The following TENM1 variants were observed in gnomAD, a reference collection of about 807,000 sequenced individuals.
TENM1 encodes teneurin transmembrane protein 1, also known as teneurin-1.
Under a neutral mutation model 174.8 loss-of-function variants are expected in TENM1, and 35 were observed. The observed-to-expected ratio is 0.20, with a 90% CI of 0.15 to 0.27. TENM1 has a LOEUF of 0.27. Among genes scored for constraint, TENM1 ranks in the 10% least tolerant of loss-of-function variants. The pLI is 1.00. For synonymous variants in TENM1, 781 were observed against 798.7 expected, an observed-to-expected ratio of 0.98 and a Z score of 0.37; for missense variants, 1,633 against 2,130.1, an observed-to-expected ratio of 0.77 and a Z score of 4.59.
At chrX:125,039,178 A>T in the TENM1 span, among the ~76,000 whole-genome samples, 3 of 111,744 alleles carry the variant, frequency 2.7e-5, no homozygotes, top group African/African-American at 9.7e-5. Context: ...TTGACTGTAC[A>T]CCTTTAGCTG....
chrX:124,930,789 G>A (rs1224345528), intron 1 of TENM1, among the ~76,000 whole-genome samples: 1 of 111,878 alleles, frequency 8.9e-6, no homozygotes, highest in African/African-American at 3.3e-5. Flanking sequence ...GCCCCACAGA[G>A]GAATAGGTGA....
chrX:124,792,975 A>C (rs778419452), intron 3 of TENM1, among the ~76,000 whole-genome samples: 1 of 112,300 alleles, frequency 8.9e-6, no homozygotes, highest in African/African-American at 3.2e-5. Context: ...CTATCATTAA[A>C]GAAACAAATA....
At chrX:125,162,349 G>A in the TENM1 span, among the ~76,000 whole-genome samples, 994 of 112,247 alleles carry the variant, frequency 8.9e-3, 9 homozygotes, top group African/African-American at 0.031. Context: ...GTGTGACACA[G>A]AATGTATCTC....
chrX:124,426,641 A>T (rs2060720929), intron 23 of TENM1, among the ~76,000 whole-genome samples: 1 of 111,716 alleles, frequency 9.0e-6, no homozygotes, highest in South Asian at 3.8e-4. Context: ...CAGCAGCCTC[A>T]TTCTGTTTCT....
chrX:124,503,457 T>G, intron 19 of TENM1, 103 bp downstream of exon 22: 1 of 749,876 alleles, frequency 1.3e-6, no homozygotes, highest in South Asian at 3.0e-5. Context: ...AGTAGTATTC[T>G]CACAAGTAAT....
chrX:124,762,439 T>C (rs1452623416), intron 3 of TENM1, among the ~76,000 whole-genome samples: 1 of 112,597 alleles, frequency 8.9e-6, no homozygotes, highest in Non-Finnish European at 1.9e-5. Context: ...CAGATGGTTT[T>C]AAAACTTATT....
the TENM1 span, among the ~76,000 whole-genome samples, chrX:125,141,449 G>A: frequency 1.8e-5 from 2 of 111,608 alleles, no homozygotes; most frequent in Non-Finnish European, 3.8e-5. Flanking sequence ...GTTACATCTT[G>A]CCCCTGCATT....
intron 4 of TENM1, among the ~76,000 whole-genome samples, chrX:124,729,379 G>A (rs141386130): frequency 1.8e-5 from 2 of 112,228 alleles, no homozygotes; most frequent in East Asian, 5.6e-4. Flanking sequence ...CCATGAGGTA[G>A]GGTCTGTCAT....
chrX:124,416,920 T>G, intron 25 of TENM1, among the ~76,000 whole-genome samples: 1 of 111,878 alleles, frequency 8.9e-6, no homozygotes, highest in East Asian at 2.8e-4. Context: ...GTCCCCCTTC[T>G]GTCATATAAG....
intron 11 of TENM1, among the ~76,000 whole-genome samples, chrX:124,584,693 C>G (rs5958536): frequency 2.7e-5 from 3 of 109,586 alleles, no homozygotes; most frequent in Non-Finnish European, 3.8e-5. Context: ...CAATATTAAC[C>G]TTAAATGTAA....
intron 5 of TENM1, among the ~76,000 whole-genome samples, chrX:124,690,263 T>C (rs2052481727): frequency 1.8e-5 from 2 of 110,938 alleles, no homozygotes; most frequent in South Asian, 3.8e-4. Context: ...TAGCACAAGA[T>C]ATCCCAGGCT....
chrX:124,858,915 G>C (rs970866196), intron 3 of TENM1, among the ~76,000 whole-genome samples: 1 of 110,489 alleles, frequency 9.1e-6, no homozygotes, highest in Middle Eastern at 4.7e-3. Context: ...AGATGATTAA[G>C]ACTGCAACAT....
chrX:124,563,634 G>T, intron 13 of TENM1, 115 bp downstream of exon 16: 2 of 548,418 alleles, frequency 3.6e-6, no homozygotes, highest in Non-Finnish European at 5.7e-6. Flanking sequence ...AAATAAGATT[G>T]CCAAAAATAA....
the TENM1 span, among the ~76,000 whole-genome samples, chrX:125,098,121 G>A: frequency 9.9e-5 from 11 of 110,978 alleles, no homozygotes; most frequent in Admixed American, 2.9e-4. Flanking sequence ...AAAATTAGCC[G>A]GGCATGGTGG....
chrX:125,107,682 G>T, the TENM1 span, among the ~76,000 whole-genome samples: 1 of 111,802 alleles, frequency 8.9e-6, no homozygotes, highest in South Asian at 3.7e-4. Flanking sequence ...CTAAATGTTG[G>T]CTAGTTTGTA....
At chrX:125,173,765 A>G in the TENM1 span, among the ~76,000 whole-genome samples, 2 of 111,611 alleles carry the variant, frequency 1.8e-5, no homozygotes, top group Non-Finnish European at 3.8e-5. Context: ...GATAAACTCA[A>G]AAAGGCTGGG....
At chrX:124,588,216 A>T (rs1249674999) in intron 11 of TENM1, among the ~76,000 whole-genome samples, 1 of 111,483 alleles carries the variant, frequency 9.0e-6, no homozygotes, top group African/African-American at 3.3e-5. Flanking sequence ...ACTATAAATC[A>T]TGCTGCTATA....
intron 11 of TENM1, among the ~76,000 whole-genome samples, chrX:124,603,391 C>T (rs904742538): frequency 3.6e-5 from 4 of 111,757 alleles, no homozygotes; most frequent in South Asian, 7.5e-4. Flanking sequence ...AAACATTTAT[C>T]GGGAATTTTA....
At chrX:124,486,828 T>C (rs2046963831) in intron 21 of TENM1, among the ~76,000 whole-genome samples, 1 of 111,839 alleles carries the variant, frequency 8.9e-6, no homozygotes, top group African/African-American at 3.3e-5. Flanking sequence ...TACTTCTGGA[T>C]CTAGGGAGAT....
Sources: gnomAD v4.1 joint callset for allele counts (sites outside exome capture counted in the v4.1 genomes callset) on GRCh38, gnomAD v4.1.1 for gene constraint, MANE v1.5 for transcripts, NCBI Gene and HGNC (gene_info 2026-07-23, HGNC 2026-07-21) for gene names.